Variants in BBS9 observed in about 807,000 individuals in gnomAD.
BBS9 encodes the protein Bardet-Biedl syndrome 9.
Under a neutral mutation model 117.7 loss-of-function variants are expected in BBS9, and 89 were observed. The ratio of observed to expected loss-of-function variants is 0.76; its 90% CI spans 0.64 to 0.90. The LOEUF is 0.90. Ranked by LOEUF, BBS9 falls within the 40% of genes least tolerant of loss-of-function variation. The probability of loss-of-function intolerance (pLI) is 0.00; values close to 1 mark genes in which losing one functional copy is unlikely to be tolerated. For synonymous variants in BBS9, 379 were observed against 370.9 expected (o/e 1.02, Z -0.25); for missense variants, 982 against 1,042.2 (o/e 0.94, Z 0.80).
At chr7:33,489,487 A>T (rs746021291) in intron 19 of BBS9, among the ~76,000 whole-genome samples, 1 of 152,052 alleles carries the variant, frequency 6.6e-6, no homozygotes, top group Non-Finnish European at 1.5e-5. Context: ...AAAACTAGAG[A>T]TATAATCTAA....
At chr7:33,545,503 G>A (rs1303029660) in intron 21 of BBS9, among the ~76,000 whole-genome samples, 1 of 152,120 alleles carries the variant, frequency 6.6e-6, no homozygotes, top group Non-Finnish European at 1.5e-5. Context: ...TTCGGGACAG[G>A]AGGGTCTCCC....
At chr7:33,194,022 A>T (rs1380510270) in intron 5 of BBS9, among the ~76,000 whole-genome samples, 1 of 152,086 alleles carries the variant, frequency 6.6e-6, no homozygotes, top group Non-Finnish European at 1.5e-5. Context: ...TCTACTCATC[A>T]TAATTGCTGG....
intron 21 of BBS9, among the ~76,000 whole-genome samples, chr7:33,577,723 T>TA (rs1205323993): frequency 2.0e-5 from 3 of 152,006 alleles, no homozygotes; most frequent in Non-Finnish European, 4.4e-5. Flanking sequence ...TATACAGCCA[T>TA]AAAAAAGGAT....
At chr7:33,527,721 G>T (rs904070964) in intron 20 of BBS9, among the ~76,000 whole-genome samples, 4 of 152,214 alleles carry the variant, frequency 2.6e-5, no homozygotes, top group Non-Finnish European at 4.4e-5. Context: ...CGTCGCTCAC[G>T]CTGGGAGCTG....
chr7:33,563,587 C>A (rs1439214574), intron 21 of BBS9, among the ~76,000 whole-genome samples: 2 of 152,276 alleles, frequency 1.3e-5, no homozygotes, highest in East Asian at 1.9e-4. Context: ...TAGTGTGGTG[C>A]TTTTGCTGCC....
intron 19 of BBS9, among the ~76,000 whole-genome samples, chr7:33,467,567 A>ACCCCCCCCCCC (rs1563215445): frequency 1.7e-5 from 1 of 59,436 alleles, no homozygotes; most frequent in African/African-American, 3.7e-5. Flanking sequence ...GAACCCCCCA[A>ACCCCCCCCCCC]CTCCGCCACC....
intron 6 of BBS9, among the ~76,000 whole-genome samples, chr7:33,262,464 C>T (rs868158750): frequency 6.6e-5 from 10 of 152,216 alleles, no homozygotes; most frequent in South Asian, 6.2e-4. Flanking sequence ...TAGTCACCAG[C>T]GCATACTATT....
chr7:33,343,043 A>G (rs1205695391), intron 11 of BBS9, among the ~76,000 whole-genome samples: 1 of 152,200 alleles, frequency 6.6e-6, no homozygotes, highest in African/African-American at 2.4e-5. Flanking sequence ...CATAGTTTAA[A>G]TATGGTTTCC....
At chr7:33,275,832 T>C (rs1201621519) in intron 9 of BBS9, among the ~76,000 whole-genome samples, 1 of 152,160 alleles carries the variant, frequency 6.6e-6, no homozygotes, top group African/African-American at 2.4e-5. Flanking sequence ...TAATTTATAG[T>C]TTTTGGTCTA....
chr7:33,634,945 C>T (rs756504025), intron 21 of BBS9, among the ~76,000 whole-genome samples: 15 of 152,314 alleles, frequency 9.8e-5, no homozygotes, highest in South Asian at 6.2e-4. Flanking sequence ...CTCAGAGGTG[C>T]GGGTGCCTGT....
At chr7:33,329,515 A>G (rs1457073301) in intron 9 of BBS9, among the ~76,000 whole-genome samples, 1 of 152,152 alleles carries the variant, frequency 6.6e-6, no homozygotes, top group East Asian at 1.9e-4. Context: ...GATAACAGAT[A>G]TTTGATAAGA....
chr7:33,360,359 G>T (rs1820393811), intron 16 of BBS9, among the ~76,000 whole-genome samples: 1 of 151,980 alleles, frequency 6.6e-6, no homozygotes, highest in African/African-American at 2.4e-5. Context: ...TAACAACAAT[G>T]TTTGAATAAA....
intron 21 of BBS9, among the ~76,000 whole-genome samples, chr7:33,537,990 G>A (rs1851718846): frequency 1.3e-5 from 2 of 152,054 alleles, no homozygotes; most frequent in Non-Finnish European, 2.9e-5. Context: ...GATAAGTGAC[G>A]GCCCATCAGA....
chr7:33,344,559 C>T (rs1179334952), intron 11 of BBS9, 22 bp from the exon 12 acceptor site: 1 of 1,612,418 alleles, frequency 6.2e-7, no homozygotes, highest in Non-Finnish European at 8.5e-7. Context: ...TCTTTCTTGC[C>T]TTCTCAATTC....
chr7:33,435,911 C>A (rs899192466), intron 19 of BBS9, among the ~76,000 whole-genome samples: 1 of 152,146 alleles, frequency 6.6e-6, no homozygotes, highest in Non-Finnish European at 1.5e-5. Flanking sequence ...AGCAAGAGTA[C>A]TCTGAAGAAT....
intron 5 of BBS9, among the ~76,000 whole-genome samples, chr7:33,235,855 T>C (rs1387674638): frequency 2.0e-5 from 3 of 152,218 alleles, no homozygotes; most frequent in Admixed American, 6.5e-5. Flanking sequence ...TTTTATATAT[T>C]TTTAAAATTA....
At chr7:33,225,148 G>A (rs953859657) in intron 5 of BBS9, among the ~76,000 whole-genome samples, 2 of 151,974 alleles carry the variant, frequency 1.3e-5, no homozygotes, top group African/African-American at 4.8e-5. Flanking sequence ...ATAAACTAAT[G>A]GATTTAAATA....
intron 21 of BBS9, among the ~76,000 whole-genome samples, chr7:33,545,698 C>T (rs1019235958): frequency 2.0e-5 from 3 of 151,964 alleles, no homozygotes; most frequent in Admixed American, 6.6e-5. Context: ...TCCTGCCTCC[C>T]GTCTGTCATG....
intron 20 of BBS9, among the ~76,000 whole-genome samples, chr7:33,516,193 T>C (rs1847750010): frequency 6.6e-6 from 1 of 152,082 alleles, no homozygotes; most frequent in African/African-American, 2.4e-5. Flanking sequence ...AAATGTCCTA[T>C]AATTGATGGA....
Sources: allele counts gnomAD v4.1 joint callset (sites outside exome capture counted in the v4.1 genomes callset), GRCh38; gene constraint gnomAD v4.1.1; transcripts MANE v1.5; gene names NCBI Gene and HGNC (gene_info 2026-07-23, HGNC 2026-07-21).